Variants in ANGPT1 observed in about 807,000 individuals in gnomAD.
The protein encoded by ANGPT1 is angiopoietin-1.
In ANGPT1, 17 loss-of-function variants were observed where a neutral mutation model predicts 62.2. The observed-to-expected ratio is 0.27, with a 90% CI of 0.19 to 0.41. The LOEUF (loss-of-function observed/expected upper bound fraction) is 0.41. Among genes scored for constraint, ANGPT1 ranks in the 10% least tolerant of loss-of-function variants. ANGPT1 has a pLI of 1.00. For missense variants in ANGPT1, 478 were observed against 594.9 expected (o/e 0.80, Z 2.04); for synonymous variants, 199 against 198.9 (o/e 1.00, Z 0.00).
At chr8:107,451,804 T>C (rs1277515367) in intron 1 of ANGPT1, among the ~76,000 whole-genome samples, 1 of 151,908 alleles carries the variant, frequency 6.6e-6, no homozygotes, top group Non-Finnish European at 1.5e-5. Context: ...AAACTGTGTT[T>C]CTCCTGGATT....
chr8:107,481,532 C>CAAAAAAAAAAAAAAAAAAAAAAAAAA (rs71562147), intron 1 of ANGPT1, among the ~76,000 whole-genome samples: 1 of 64,334 alleles, frequency 1.6e-5, no homozygotes, highest in Non-Finnish European at 2.8e-5. Flanking sequence ...GACTCTGTCT[C>CAAAAAAAAAAAAAAAAAAAAAAAAAA]AAAAAAAAAA....
chr8:107,360,961 A>G (rs1200457634), intron 1 of ANGPT1, among the ~76,000 whole-genome samples: 1 of 152,204 alleles, frequency 6.6e-6, no homozygotes, highest in Non-Finnish European at 1.5e-5. Context: ...GTCCATAGTG[A>G]CATGCTATTT....
chr8:107,452,388 TTG>T (rs1811800130), intron 1 of ANGPT1, among the ~76,000 whole-genome samples: 1 of 151,908 alleles, frequency 6.6e-6, no homozygotes, highest in Admixed American at 6.6e-5. Context: ...CACATTCATA[TTG>T]TAAACACACC....
chr8:107,472,566 T>C (rs577197189), intron 1 of ANGPT1, among the ~76,000 whole-genome samples: 4 of 152,228 alleles, frequency 2.6e-5, no homozygotes, highest in Non-Finnish European at 5.9e-5. Context: ...GAAATGGCTA[T>C]AATTTGTTAA....
At chr8:107,382,537 G>A (rs77700772) in intron 1 of ANGPT1, among the ~76,000 whole-genome samples, 3 of 150,488 alleles carry the variant, frequency 2.0e-5, no homozygotes. Context: ...CTTTGAAAAA[G>A]AAAAAAAAAG....
At chr8:107,269,599 TTG>T (rs1249989814) in intron 7 of ANGPT1, among the ~76,000 whole-genome samples, 1 of 152,068 alleles carries the variant, frequency 6.6e-6, no homozygotes, top group African/African-American at 2.4e-5. Context: ...TATTTATTTC[TTG>T]TGTTCAGCCA....
intron 1 of ANGPT1, among the ~76,000 whole-genome samples, chr8:107,470,060 T>C (rs915720962): frequency 5.9e-5 from 9 of 152,050 alleles, no homozygotes; most frequent in African/African-American, 1.7e-4. Flanking sequence ...ATAACTGTTA[T>C]AGAATAGAGG....
At chr8:107,438,358 T>A (rs1427205324) in intron 1 of ANGPT1, among the ~76,000 whole-genome samples, 1 of 152,142 alleles carries the variant, frequency 6.6e-6, no homozygotes, top group Non-Finnish European at 1.5e-5. Context: ...GGTCTTTTTG[T>A]CATTTGATAT....
intron 1 of ANGPT1, among the ~76,000 whole-genome samples, chr8:107,417,408 C>A (rs1010918039): frequency 1.6e-4 from 25 of 152,122 alleles, no homozygotes; most frequent in African/African-American, 5.1e-4. Context: ...TAACTATTAT[C>A]TGGAACTCTG....
intron 1 of ANGPT1, among the ~76,000 whole-genome samples, chr8:107,404,956 A>G (rs955894008): frequency 3.3e-5 from 5 of 152,072 alleles, no homozygotes; most frequent in Non-Finnish European, 7.4e-5. Flanking sequence ...TACTCAAGTA[A>G]ACATTTATGC....
intron 1 of ANGPT1, among the ~76,000 whole-genome samples, chr8:107,395,537 AT>A (rs1816918847): frequency 6.6e-6 from 1 of 152,152 alleles, no homozygotes. Flanking sequence ...AAACATCTTT[AT>A]GAGTTTTCAT....
At chr8:107,404,323 A>G (rs188294637) in intron 1 of ANGPT1, among the ~76,000 whole-genome samples, 1 of 152,254 alleles carries the variant, frequency 6.6e-6, no homozygotes, top group Admixed American at 6.5e-5. Flanking sequence ...TAGAAGAATA[A>G]AAGTTCAACC....
At chr8:107,432,173 T>C (rs10091818) in intron 1 of ANGPT1, among the ~76,000 whole-genome samples, 47,424 of 151,692 alleles carry the variant, frequency 0.31, 8,112 homozygotes, top group Middle Eastern at 0.47. Flanking sequence ...GTAAAATCTT[T>C]TAAAAAGAGA....
chr8:107,295,684 G>C (rs756310106), intron 5 of ANGPT1: 1 of 152,042 alleles, frequency 6.6e-6, no homozygotes, highest in Non-Finnish European at 1.5e-5. Context: ...TACCTCAAAG[G>C]CTAGCAAAGA....
At chr8:107,466,268 C>G (rs1812196283) in intron 1 of ANGPT1, among the ~76,000 whole-genome samples, 1 of 152,092 alleles carries the variant, frequency 6.6e-6, no homozygotes, top group Non-Finnish European at 1.5e-5. Context: ...AAATTATTAA[C>G]AGAGCCCCCT....
intron 4 of ANGPT1, among the ~76,000 whole-genome samples, chr8:107,319,168 T>C (rs1815093472): frequency 6.6e-6 from 1 of 152,208 alleles, no homozygotes. Context: ...ATTGAGCATC[T>C]AATGTAATTC....
chr8:107,454,546 A>G (rs1283714), intron 1 of ANGPT1, among the ~76,000 whole-genome samples: 12,715 of 152,014 alleles, frequency 0.084, 572 homozygotes, highest in South Asian at 0.14. Flanking sequence ...GTCTTCCTAC[A>G]TGTCTAGAAG....
Position 107,420,684 on chromosome 8 carries a change from T to C in ANGPT1, c.298-73587A>G, listed in dbSNP as rs186020500. ...GCCAAAACTTTTGTTATCAATCTGT[T>C]ATTTAGGTCAGCATTCATATATGGT... On this transcript the variant is annotated intron_variant, in intron 1 of 8. Coordinates refer to ENST00000517746, the MANE Select transcript of ANGPT1 (RefSeq NM_001146.5). Among the ~76,000 whole-genome samples, 202 of 152,288 alleles carry C rather than the reference T, an allele frequency of 1.3e-3. 1 individual carries two copies. The highest frequency in any genetic ancestry group is 4.5e-3 in the Admixed American group (69 of 15,290).
At chr8:107,336,013 T>C (rs1815548991) in intron 3 of ANGPT1, 137 bp downstream of exon 3, 1 of 782,268 alleles carries the variant, frequency 1.3e-6, no homozygotes, top group African/African-American at 1.8e-5. Context: ...TCTCCTTTAT[T>C]TTTATATTAA....
Sources: allele counts gnomAD v4.1 joint callset (sites outside exome capture counted in the v4.1 genomes callset), GRCh38; gene constraint gnomAD v4.1.1; transcripts MANE v1.5; gene names NCBI Gene and HGNC (gene_info 2026-07-23, HGNC 2026-07-21).